Variants in CLDN2 observed in about 807,000 individuals in gnomAD.
CLDN2 encodes claudin-2.
Under a neutral mutation model 8.2 loss-of-function variants are expected in CLDN2, and 1 was observed. The ratio of observed to expected loss-of-function variants is 0.12; its 90% CI spans 0.04 to 0.58. The LOEUF (loss-of-function observed/expected upper bound fraction) is 0.58. Ranked by LOEUF, CLDN2 falls within the 20% of genes least tolerant of loss-of-function variation. The pLI, the probability that CLDN2 is intolerant of heterozygous loss-of-function variation, is 0.90. For missense variants in CLDN2, 108 were observed against 172.9 expected, an observed-to-expected ratio of 0.62 and a Z score of 2.11; for synonymous variants, 70 against 70.2, an observed-to-expected ratio of 1.00 and a Z score of 0.01.
At chrX:106,922,427 A>G (rs1240941549) in intron 1 of CLDN2, among the ~76,000 whole-genome samples, 1 of 112,356 alleles carries the variant, frequency 8.9e-6, no homozygotes, top group Non-Finnish European at 1.9e-5. Context: ...ACTACTTAGG[A>G]CAGGCTCTGG....
chrX:106,912,178 C>A (rs954842282), intron 1 of CLDN2, among the ~76,000 whole-genome samples: 11 of 111,250 alleles, frequency 9.9e-5, no homozygotes, highest in African/African-American at 3.6e-4. Context: ...CAGACCTCTT[C>A]CCTCCCTCTT....
intron 1 of CLDN2, among the ~76,000 whole-genome samples, chrX:106,901,112 C>T (rs1326296459): frequency 8.9e-6 from 1 of 112,238 alleles, no homozygotes; most frequent in African/African-American, 3.2e-5. Context: ...CCTTATGGAC[C>T]TATAGTGGTT....
chrX:106,921,649 GGGA>G (rs1202823443), intron 1 of CLDN2, among the ~76,000 whole-genome samples: 1 of 112,047 alleles, frequency 8.9e-6, no homozygotes, highest in Non-Finnish European at 1.9e-5. Flanking sequence ...GCAAGAGATG[GGGA>G]GAATAGCAGG....
At chrX:106,903,004 G>A in intron 1 of CLDN2, 2 of 673,915 alleles carry the variant, frequency 3.0e-6, no homozygotes, top group Non-Finnish European at 4.5e-6. Flanking sequence ...GAGTTGAGGA[G>A]GGAGGGCTAT....
In CLDN2 at chrX:106,903,178, G is replaced by T. The variant is rs747842759; in HGVS notation, c.-179+2674G>T. 100 of 1,209,673 alleles carry T rather than the reference G, an allele frequency of 8.3e-5. No individual in the cohort carries two copies. The highest frequency in any genetic ancestry group is 1.1e-4 in the Non-Finnish European group (98 of 894,825). On this transcript the variant is annotated intron_variant, in intron 1 of 1. Transcript: ENST00000541806. ...TTGTCCAGAGGAGAGAAGGCAAGAT[G>T]GGCTTAACAGGCCAGGGAGTGCCAG... is the stretch of plus-strand genomic sequence containing the variant.
Position 106,929,458 on chromosome X carries a change from A to C in CLDN2, c.*537A>C, listed in dbSNP as rs1354137394. ...GAACCTCCATCCCACTCTTGTTATGACTCCACAGTGTCCAGACTAATTTGT... is the reference window on the plus strand; with the variant it reads ...GAACCTCCATCCCACTCTTGTTATGCCTCCACAGTGTCCAGACTAATTTGT... On this transcript the variant is annotated 3_prime_UTR_variant, in exon 2 of 2. Coordinates refer to ENST00000336803, the MANE Select transcript of CLDN2 (RefSeq NM_020384.4). 7.8e-6 allele frequency: 1 copy of C among 127,661 alleles called. No individual in the cohort carries two copies. Among genetic ancestry groups the C allele is most frequent in the East Asian group, 2.7e-4 (1 of 3,706 alleles). 10.5% of individuals were successfully genotyped at this position (127,661 alleles called of 1,213,427 possible).
At chrX:106,902,163 G>T in intron 1 of CLDN2, 1 of 1,194,149 alleles carries the variant, frequency 8.4e-7, no homozygotes. Flanking sequence ...TTCCTCATCT[G>T]CCTTGGGGAG....
At chrX:106,910,663 G>T (rs914370280) in intron 1 of CLDN2, among the ~76,000 whole-genome samples, 11 of 109,065 alleles carry the variant, frequency 1.0e-4, no homozygotes, top group Non-Finnish European at 2.1e-4. Context: ...AGTAAAATTA[G>T]ATTGCACCAC....
At chrX:106,906,411 G>A (rs1167513011) in intron 1 of CLDN2, among the ~76,000 whole-genome samples, 3 of 111,091 alleles carry the variant, frequency 2.7e-5, no homozygotes, top group African/African-American at 6.6e-5. Flanking sequence ...TGACCCCAGC[G>A]CCCCTCAGTC....
chrX:106,913,776 G>A (rs1049130383), upstream of CLDN2, among the ~76,000 whole-genome samples: 2 of 108,993 alleles, frequency 1.8e-5, no homozygotes, highest in Admixed American at 9.9e-5. Flanking sequence ...GGTCCTTCAG[G>A]GTGTGGGTCT....
intron 1 of CLDN2, chrX:106,903,006 G>A: frequency 8.9e-6 from 6 of 675,238 alleles, no homozygotes; most frequent in Non-Finnish European, 1.4e-5. Flanking sequence ...GTTGAGGAGG[G>A]AGGGCTATGA....
At chrX:106,901,676 T>C in intron 1 of CLDN2, 1 of 515,294 alleles carries the variant, frequency 1.9e-6, no homozygotes, top group Non-Finnish European at 3.2e-6. Context: ...CAACCCCCAA[T>C]ACCCACCCCT....
intron 1 of CLDN2, among the ~76,000 whole-genome samples, chrX:106,911,591 A>G (rs1287650660): frequency 4.5e-5 from 5 of 111,864 alleles, no homozygotes; most frequent in Non-Finnish European, 9.4e-5. Context: ...GAAGCCTCCA[A>G]GCCACGCTAA....
intron 1 of CLDN2, among the ~76,000 whole-genome samples, chrX:106,912,961 T>C (rs1933265865): frequency 8.9e-6 from 1 of 111,850 alleles, no homozygotes; most frequent in Admixed American, 9.5e-5. Context: ...ATGAATGTGA[T>C]TTTTTAATAT....
At chrX:106,917,574 C>T (rs1461587033), upstream of CLDN2, among the ~76,000 whole-genome samples, 2 of 111,070 alleles carry the variant, frequency 1.8e-5, no homozygotes, top group East Asian at 2.9e-4. Context: ...CATCCCTACA[C>T]CCTCTTCCTT....
At chrX:106,912,663 G>A (rs1372001578) in intron 1 of CLDN2, among the ~76,000 whole-genome samples, 1 of 109,800 alleles carries the variant, frequency 9.1e-6, no homozygotes, top group African/African-American at 3.3e-5. Context: ...CATTCCACCT[G>A]CCTCAGCCTC....
At chrX:106,914,677 A>G (rs771551758), upstream of CLDN2, among the ~76,000 whole-genome samples, 260 of 111,931 alleles carry the variant, frequency 2.3e-3, no homozygotes, top group African/African-American at 7.7e-3. Context: ...TTATAATGTA[A>G]TAGGTTTATA....
intron 1 of CLDN2, chrX:106,900,744 GCCT>G (rs1446297157): frequency 2.5e-6 from 3 of 1,204,011 alleles, no homozygotes; most frequent in Non-Finnish European, 3.4e-6. Context: ...CTTTTCATTG[GCCT>G]CCTACTTCTC....
chrX:106,909,648 C>T (rs1472800584), intron 1 of CLDN2, among the ~76,000 whole-genome samples: 5 of 112,073 alleles, frequency 4.5e-5, no homozygotes, highest in Admixed American at 1.9e-4. Flanking sequence ...AGAAGTTTCT[C>T]TCCCCAACCC....
Sources: gnomAD v4.1 joint callset for allele counts (sites outside exome capture counted in the v4.1 genomes callset) on GRCh38, gnomAD v4.1.1 for gene constraint, MANE v1.5 for transcripts, NCBI Gene and HGNC (gene_info 2026-07-23, HGNC 2026-07-21) for gene names.